RFC3: variants seen among roughly 807,000 people sequenced by gnomAD.
The protein encoded by RFC3 is A1 38 kDa subunit.
Under a neutral mutation model 45.1 loss-of-function variants are expected in RFC3, and 41 were observed. The ratio of observed to expected loss-of-function variants is 0.91; its 90% CI spans 0.71 to 1.18. The LOEUF is 1.18. Ranked by LOEUF, RFC3 falls within the 50% of genes most tolerant of loss-of-function variation. The pLI, the probability that RFC3 is intolerant of heterozygous loss-of-function variation, is 0.00. For synonymous variants in RFC3, 149 were observed against 144.0 expected (o/e 1.03, Z -0.25); for missense variants, 423 against 428.1 (o/e 0.99, Z 0.10).
intron 4 of RFC3, 63 bp from the exon 5 acceptor site, chr13:33,829,773 A>G: frequency 7.9e-7 from 1 of 1,263,962 alleles, no homozygotes; most frequent in Non-Finnish European, 1.2e-6. Context: ...AGAAGGAAGA[A>G]AGAGACAAGT....
downstream of RFC3, among the ~76,000 whole-genome samples, chr13:33,969,179 C>T (rs2083100502): frequency 6.6e-6 from 1 of 152,200 alleles, no homozygotes; most frequent in Non-Finnish European, 1.5e-5. Flanking sequence ...ACAGGTTCTT[C>T]ACATGCTGGA....
At chr13:33,917,951 A>C (rs1029878399) in intron 8 of RFC3, among the ~76,000 whole-genome samples, 11 of 152,120 alleles carry the variant, frequency 7.2e-5, no homozygotes, top group African/African-American at 2.7e-4. Flanking sequence ...TAAGAAACTC[A>C]GAATCATTAT....
downstream of RFC3, among the ~76,000 whole-genome samples, chr13:33,842,127 C>T (rs767339264): frequency 3.3e-5 from 5 of 151,866 alleles, no homozygotes; most frequent in Admixed American, 1.3e-4. Flanking sequence ...AAATGATAAA[C>T]AAAATAGAAA....
rs575110484 is a variant in RFC3 at position 33,858,625 on chromosome 13, T to C, written c.879+23408T>C. ...GAGGCACCTGATACACTTTTACTTA[T>C]TTCTCAATGGCAAGAATTTGGACCC... On this transcript the variant is annotated intron_variant, in intron 8 of 8. Coordinates refer to the RFC3 transcript ENST00000434425. 1.9e-4 allele frequency among the ~76,000 whole-genome samples: 29 copies of C among 152,316 alleles called. 1 individual carries two copies. The South Asian group carries it at 5.6e-3, about 29-fold the overall frequency.
At chr13:33,879,725 A>C (rs1328482064) in intron 8 of RFC3, among the ~76,000 whole-genome samples, 2 of 152,256 alleles carry the variant, frequency 1.3e-5, no homozygotes, top group African/African-American at 4.8e-5. Context: ...ATTACCAACA[A>C]ACTTAGCGGT....
intron 8 of RFC3, among the ~76,000 whole-genome samples, chr13:33,913,882 C>A (rs377754467): frequency 6.6e-6 from 1 of 152,010 alleles, no homozygotes; most frequent in East Asian, 1.9e-4. Flanking sequence ...TGACTATACA[C>A]GTATTTATAA....
rs188881209 is a variant in RFC3 at position 33,868,865 on chromosome 13, C to T, written c.879+33648C>T. Among the ~76,000 whole-genome samples the T allele has an allele frequency of 9.9e-5, 15 of 152,182 alleles. No individual in the cohort carries two copies. In the East Asian group the frequency reaches 2.9e-3, roughly 29 times the overall value. On this transcript the variant is annotated intron_variant, in intron 8 of 8. Coordinates refer to the RFC3 transcript ENST00000434425. ...CAAAGTCAAGACACTCCACAGGTAA[C>T]AAAAAGGCCAGACACTCCTTTCCCG...
intron 7 of RFC3, 54 bp downstream of exon 7, chr13:33,831,408 C>A: frequency 1.1e-6 from 1 of 893,582 alleles, no homozygotes; most frequent in South Asian, 1.4e-5. Flanking sequence ...TATCATAGGA[C>A]ACATATTAAC....
intron 8 of RFC3, among the ~76,000 whole-genome samples, chr13:33,860,618 C>A (rs1403678862): frequency 6.6e-6 from 1 of 152,104 alleles, no homozygotes; most frequent in Non-Finnish European, 1.5e-5. Flanking sequence ...GTGTCCCAGG[C>A]AGCCGTGAGG....
rs142596118 is a variant in RFC3 at position 33,950,766 on chromosome 13, T to TTC, written c.880-15305_880-15304dup. 2.6e-3 allele frequency among the ~76,000 whole-genome samples: 400 copies of TTC among 151,070 alleles called. 4 individuals carry two copies. The highest frequency in any genetic ancestry group is 8.8e-3 in the African/African-American group (365 of 41,310). On this transcript the variant is annotated intron_variant, in intron 8 of 8. Transcript: ENST00000434425. ...CCAATGTATTCTCTCTCTCTTCTCTTTCTCTCTCTCTCTCTCTTTGAACCT... is the reference window on the plus strand; with the variant it reads ...CCAATGTATTCTCTCTCTCTTCTCTTTCTCTCTCTCTCTCTCTCTTTGAACCT...
chr13:33,886,376 C>T (rs1446900627), intron 8 of RFC3, among the ~76,000 whole-genome samples: 1 of 151,958 alleles, frequency 6.6e-6, no homozygotes, highest in Non-Finnish European at 1.5e-5. Flanking sequence ...GAAACCCTGT[C>T]TCTACTAAAA....
chr13:33,834,298 G>GTATATTA (rs1555308471), intron 7 of RFC3, among the ~76,000 whole-genome samples: 1 of 109,216 alleles, frequency 9.2e-6, no homozygotes, highest in African/African-American at 4.1e-5. Flanking sequence ...TGTACTGTGT[G>GTATATTA]TATATATATA....
chr13:33,941,457 T>C (rs1285233896), intron 8 of RFC3, among the ~76,000 whole-genome samples: 1 of 152,164 alleles, frequency 6.6e-6, no homozygotes, highest in African/African-American at 2.4e-5. Flanking sequence ...GGTGGTGAAT[T>C]TTCTTAATTT....
At chr13:33,944,177 G>T (rs2082941179) in intron 8 of RFC3, among the ~76,000 whole-genome samples, 1 of 152,118 alleles carries the variant, frequency 6.6e-6, no homozygotes, top group Non-Finnish European at 1.5e-5. Context: ...CTATTCATTT[G>T]GTTGTTATGA....
At chr13:33,893,053 A>G (rs565699014) in intron 8 of RFC3, among the ~76,000 whole-genome samples, 5 of 152,208 alleles carry the variant, frequency 3.3e-5, no homozygotes, top group East Asian at 1.9e-4. Context: ...AGAAGGGACA[A>G]TATCACTGAG....
chr13:33,876,881 T>C (rs1391613303), intron 8 of RFC3, among the ~76,000 whole-genome samples: 1 of 152,212 alleles, frequency 6.6e-6, no homozygotes, highest in African/African-American at 2.4e-5. Context: ...AATCCCATGG[T>C]TTGCTCTCTT....
downstream of RFC3, among the ~76,000 whole-genome samples, chr13:33,837,927 A>G (rs952412347): frequency 3.0e-4 from 46 of 151,800 alleles, no homozygotes; most frequent in African/African-American, 1.1e-3. Context: ...AACTTTTCTG[A>G]TTTCACTTGT....
At chr13:33,962,463 A>G (rs1356913387) in intron 8 of RFC3, among the ~76,000 whole-genome samples, 1 of 152,128 alleles carries the variant, frequency 6.6e-6, no homozygotes, top group Non-Finnish European at 1.5e-5. Flanking sequence ...TTACTAATGG[A>G]TAAGCTACTG....
chr13:33,931,493 T>C (rs2082851675), intron 8 of RFC3, among the ~76,000 whole-genome samples: 1 of 152,100 alleles, frequency 6.6e-6, no homozygotes, highest in South Asian at 2.1e-4. Context: ...TATTACCTTT[T>C]TCCATGGTGT....
Sources: allele counts gnomAD v4.1 joint callset (sites outside exome capture counted in the v4.1 genomes callset), GRCh38; gene constraint gnomAD v4.1.1; transcripts MANE v1.5; gene names NCBI Gene and HGNC (gene_info 2026-07-23, HGNC 2026-07-21).